CSMD1: variants seen among roughly 807,000 people sequenced by gnomAD.
CSMD1 encodes the protein CUB and sushi domain-containing protein 1.
CSMD1 carries 213 observed loss-of-function variants against 417.5 expected under a neutral mutation model. That is an observed-to-expected ratio of 0.51 (90% confidence interval 0.46 to 0.57). The LOEUF (loss-of-function observed/expected upper bound fraction) is 0.57. CSMD1 is among the 20% of genes least tolerant of loss of function. The pLI, the probability that CSMD1 is intolerant of heterozygous loss-of-function variation, is 0.00. For synonymous variants in CSMD1, 2,862 were observed against 1,736.8 expected (o/e 1.65, Z -16.11); for missense variants, 6,923 against 4,529.7 (o/e 1.53, Z -15.17).
intron 5 of CSMD1, among the ~76,000 whole-genome samples, chr8:3,832,447 AT>A (rs1802431019): frequency 6.6e-6 from 1 of 152,248 alleles, no homozygotes; most frequent in Non-Finnish European, 1.5e-5. Context: ...TAAAGCGATT[AT>A]GTAAGATAAG....
intron 7 of CSMD1, among the ~76,000 whole-genome samples, chr8:3,635,649 A>G (rs1222006298): frequency 6.6e-6 from 1 of 151,426 alleles, no homozygotes; most frequent in Non-Finnish European, 1.5e-5. Flanking sequence ...ATGCCTGGCT[A>G]TTTTTTGTAT....
chr8:3,132,590 G>A (rs1817851380), intron 41 of CSMD1, among the ~76,000 whole-genome samples: 1 of 152,100 alleles, frequency 6.6e-6, no homozygotes, highest in South Asian at 2.1e-4. Flanking sequence ...ACCAGAATAT[G>A]CCACCCCAAA....
intron 3 of CSMD1, among the ~76,000 whole-genome samples, chr8:4,225,640 A>C (rs148087276): frequency 1.3e-5 from 2 of 152,112 alleles, no homozygotes; most frequent in African/African-American, 4.8e-5. Context: ...TCTGCATCAT[A>C]ACCAGAGAAA....
intron 2 of CSMD1, among the ~76,000 whole-genome samples, chr8:4,558,198 G>A (rs749654191): frequency 6.6e-6 from 1 of 152,168 alleles, no homozygotes; most frequent in Non-Finnish European, 1.5e-5. Flanking sequence ...AGAGCAGGAT[G>A]TGATGTAATG....
chr8:4,644,167 T>A (rs934029314), intron 1 of CSMD1, among the ~76,000 whole-genome samples: 5 of 152,176 alleles, frequency 3.3e-5, no homozygotes, highest in Non-Finnish European at 7.3e-5. Flanking sequence ...AGTACCCGGT[T>A]TGTATCACTC....
At chr8:4,471,223 G>A (rs375684635) in intron 2 of CSMD1, among the ~76,000 whole-genome samples, 1 of 152,008 alleles carries the variant, frequency 6.6e-6, no homozygotes, top group African/African-American at 2.4e-5. Context: ...AAAAAGTCTC[G>A]TGTTCCCCAA....
chr8:3,399,351 C>G, intron 16 of CSMD1, 40 bp downstream of exon 16: 2 of 1,538,566 alleles, frequency 1.3e-6, no homozygotes, highest in East Asian at 2.3e-5. Flanking sequence ...GGAAGAGACA[C>G]ACACCATTGG....
chr8:3,324,577 C>G (rs1423022657), intron 23 of CSMD1, among the ~76,000 whole-genome samples: 1 of 151,628 alleles, frequency 6.6e-6, no homozygotes, highest in Non-Finnish European at 1.5e-5. Context: ...ACATCTAACC[C>G]CCAGGGACCC....
intron 1 of CSMD1, among the ~76,000 whole-genome samples, chr8:4,904,742 A>T (rs991553947): frequency 6.6e-6 from 1 of 152,232 alleles, no homozygotes. Context: ...AGCAAAATTA[A>T]AAAAACAAAA....
intron 1 of CSMD1, among the ~76,000 whole-genome samples, chr8:4,736,712 A>T (rs1810269005): frequency 6.6e-6 from 1 of 152,184 alleles, no homozygotes; most frequent in South Asian, 2.1e-4. Context: ...TTTAAGAAAA[A>T]AAGTTACTGG....
chr8:4,443,839 A>C (rs1417610788), intron 2 of CSMD1, among the ~76,000 whole-genome samples: 1 of 152,210 alleles, frequency 6.6e-6, no homozygotes, highest in Non-Finnish European at 1.5e-5. Flanking sequence ...GTTAGTAACG[A>C]ACTTCTGGGT....
At chr8:3,445,074 T>C (rs1282321484) in intron 12 of CSMD1, among the ~76,000 whole-genome samples, 2 of 152,180 alleles carry the variant, frequency 1.3e-5, no homozygotes, top group Non-Finnish European at 2.9e-5. Context: ...ATGTCTACTA[T>C]GGCAAATTCA....
intron 1 of CSMD1, among the ~76,000 whole-genome samples, chr8:4,983,486 A>T (rs1811007235): frequency 6.6e-6 from 1 of 152,192 alleles, no homozygotes; most frequent in African/African-American, 2.4e-5. Flanking sequence ...AGTCCAAACA[A>T]TGTAAACAAA....
intron 4 of CSMD1, among the ~76,000 whole-genome samples, chr8:4,000,987 AT>A (rs1487678296): frequency 4.6e-5 from 7 of 152,050 alleles, no homozygotes; most frequent in African/African-American, 1.7e-4. Context: ...AACTACATAC[AT>A]TCTTCATAAT....
chr8:4,138,912 T>A (rs987478366), intron 3 of CSMD1, among the ~76,000 whole-genome samples: 1 of 152,188 alleles, frequency 6.6e-6, no homozygotes, highest in African/African-American at 2.4e-5. Flanking sequence ...TTTAATCCAG[T>A]CCTGCAAGCT....
At chr8:4,240,240 G>C (rs1389127851) in intron 3 of CSMD1, among the ~76,000 whole-genome samples, 3 of 152,238 alleles carry the variant, frequency 2.0e-5, no homozygotes, top group Non-Finnish European at 4.4e-5. Flanking sequence ...GTGCTAACCT[G>C]TTTCATGAGG....
chr8:4,389,972 G>C (rs1432225927), intron 3 of CSMD1, among the ~76,000 whole-genome samples: 1 of 152,064 alleles, frequency 6.6e-6, no homozygotes, highest in East Asian at 1.9e-4. Context: ...TGATGTACTT[G>C]CTCATCATTT....
intron 2 of CSMD1, among the ~76,000 whole-genome samples, chr8:4,568,464 G>A (rs1798724330): frequency 1.3e-5 from 2 of 151,964 alleles, no homozygotes. Context: ...CTTTTTTTAT[G>A]GCTGCATAGT....
chr8:4,134,209 A>C (rs375762794), intron 3 of CSMD1, among the ~76,000 whole-genome samples: 1 of 152,208 alleles, frequency 6.6e-6, no homozygotes, highest in Non-Finnish European at 1.5e-5. Flanking sequence ...CACTGTCCTT[A>C]CACGCTGAAT....
Sources: allele counts gnomAD v4.1 joint callset (sites outside exome capture counted in the v4.1 genomes callset), GRCh38; gene constraint gnomAD v4.1.1; transcripts MANE v1.5; gene names NCBI Gene and HGNC (gene_info 2026-07-23, HGNC 2026-07-21).